PRKCE: variants seen among roughly 807,000 people sequenced by gnomAD.
PRKCE encodes the protein protein kinase C epsilon type.
In PRKCE, 16 loss-of-function variants were observed where a neutral mutation model predicts 85.4. The observed-to-expected ratio is 0.19, with a 90% CI of 0.13 to 0.28. The LOEUF (loss-of-function observed/expected upper bound fraction) is 0.28, where lower values mean the gene tolerates loss of function less well. Ranked by LOEUF, PRKCE falls within the 10% of genes least tolerant of loss-of-function variation. PRKCE has a pLI of 1.00. For missense variants in PRKCE, 573 were observed against 975.2 expected (o/e 0.59, Z 5.49); for synonymous variants, 388 against 371.5 (o/e 1.04, Z -0.51).
intron 1 of PRKCE, among the ~76,000 whole-genome samples, chr2:45,807,348 G>A (rs530913356): frequency 2.6e-5 from 4 of 151,056 alleles, no homozygotes; most frequent in East Asian, 3.9e-4. Context: ...CCTCCAACTG[G>A]ACAGTGTCTT....
chr2:46,159,470 TG>T lies in PRKCE; in HGVS notation c.1921-134del. 1 of 824,504 alleles carries T rather than the reference TG, an allele frequency of 1.2e-6. No individual in the cohort carries two copies. Among genetic ancestry groups the T allele is most frequent in the Non-Finnish European group, 1.8e-6 (1 of 542,674 alleles). The allele number at this position is 824,504 out of a possible 1,614,324, so 51.1% of individuals were successfully genotyped here. On this transcript the variant is annotated intron_variant, in intron 13 of 14. Coordinates refer to ENST00000306156, the MANE Select transcript of PRKCE (RefSeq NM_005400.3). The surrounding 1 kb of genome is among the most constrained non-coding windows in gnomAD (Gnocchi z 4.1). Reference sequence around the variant, plus strand: ...AGAGTTAAAGAAAACCCAACAGATGTGGCCCTTGAAAGTGCAAAGAACAGAC... The same window carrying T: ...AGAGTTAAAGAAAACCCAACAGATGTGCCCTTGAAAGTGCAAAGAACAGAC...
intron 2 of PRKCE, among the ~76,000 whole-genome samples, chr2:45,924,503 G>A (rs1698474284): frequency 6.6e-6 from 1 of 152,128 alleles, no homozygotes; most frequent in African/African-American, 2.4e-5. Flanking sequence ...CTGGGAGTGC[G>A]GGCTCCCATG....
chr2:46,176,750 A>T (rs281471), intron 14 of PRKCE, among the ~76,000 whole-genome samples: 142,179 of 152,198 alleles, frequency 0.93, 66,448 homozygotes, highest in East Asian at 1. Flanking sequence ...GATGTCACCT[A>T]TGTGAGAGGG....
chr2:46,016,557 G>C (rs574680903), intron 10 of PRKCE, among the ~76,000 whole-genome samples: 2 of 152,222 alleles, frequency 1.3e-5, no homozygotes, highest in South Asian at 4.1e-4. Context: ...CTGCAGCTTC[G>C]TGTAACCTCT....
At chr2:45,924,172 G>A (rs1698447790) in intron 2 of PRKCE, among the ~76,000 whole-genome samples, 1 of 152,082 alleles carries the variant, frequency 6.6e-6, no homozygotes, top group Admixed American at 6.5e-5. Context: ...TTATGGGTGG[G>A]GAATGAGCAA....
intron 6 of PRKCE, among the ~76,000 whole-genome samples, chr2:45,997,373 T>C (rs1343904662): frequency 6.6e-6 from 1 of 152,090 alleles, no homozygotes; most frequent in Non-Finnish European, 1.5e-5. Context: ...TTAAGTAAGC[T>C]ACTTTGGTCT....
chr2:46,044,744 A>G (rs182984714), intron 10 of PRKCE, among the ~76,000 whole-genome samples: 4 of 152,354 alleles, frequency 2.6e-5, no homozygotes, highest in Non-Finnish European at 5.9e-5. Flanking sequence ...GGTAGTTGGC[A>G]AATAAATAAA....
intron 2 of PRKCE, among the ~76,000 whole-genome samples, chr2:45,871,313 C>G (rs926093772): frequency 6.6e-6 from 1 of 152,172 alleles, no homozygotes; most frequent in Non-Finnish European, 1.5e-5. Context: ...CAGGTTCACA[C>G]GTGCAATTGC....
At chr2:45,965,359 C>G (rs1839196) in intron 2 of PRKCE, among the ~76,000 whole-genome samples, 66,831 of 152,090 alleles carry the variant, frequency 0.44, 15,070 homozygotes, top group South Asian at 0.55. Flanking sequence ...AAAGGCACGG[C>G]TGCTTTGATT....
intron 1 of PRKCE, among the ~76,000 whole-genome samples, chr2:45,777,437 C>A (rs1487971516): frequency 6.6e-6 from 1 of 152,008 alleles, no homozygotes; most frequent in Non-Finnish European, 1.5e-5. Flanking sequence ...TGTCTGCCCT[C>A]ACTCTTCTCA....
chr2:45,772,257 T>C (rs1266901190), intron 1 of PRKCE, among the ~76,000 whole-genome samples: 1 of 146,108 alleles, frequency 6.8e-6, no homozygotes, highest in East Asian at 2.0e-4. Context: ...CTGGGCAGCA[T>C]AGCAAGACCC....
At chr2:45,829,855 C>T (rs971401796) in intron 1 of PRKCE, among the ~76,000 whole-genome samples, 1 of 151,862 alleles carries the variant, frequency 6.6e-6, no homozygotes, top group Non-Finnish European at 1.5e-5. Context: ...GGGCGGATCA[C>T]GAGGTCAGGA....
At chr2:46,111,447 C>T (rs1597157) in intron 11 of PRKCE, among the ~76,000 whole-genome samples, 45,899 of 151,980 alleles carry the variant, frequency 0.3, 7,045 homozygotes, top group East Asian at 0.41. Flanking sequence ...AGAAAACTTT[C>T]GTCACACCAA....
chr2:45,796,552 T>G (rs2105140888), intron 1 of PRKCE, among the ~76,000 whole-genome samples: 1 of 152,320 alleles, frequency 6.6e-6, no homozygotes, highest in Middle Eastern at 3.4e-3. Context: ...TTATCTTGAC[T>G]TGGGCAATCT....
intron 1 of PRKCE, among the ~76,000 whole-genome samples, chr2:45,734,349 G>A (rs886562740): frequency 6.7e-6 from 1 of 149,438 alleles, no homozygotes; most frequent in Non-Finnish European, 1.5e-5. Flanking sequence ...TGGCAATAGA[G>A]CAAGACTCCA....
chr2:46,182,028 C>T (rs1183638615), intron 14 of PRKCE, among the ~76,000 whole-genome samples: 1 of 152,180 alleles, frequency 6.6e-6, no homozygotes, highest in Non-Finnish European at 1.5e-5. Flanking sequence ...GAATATTCTT[C>T]TTGCCCTATT....
intron 2 of PRKCE, among the ~76,000 whole-genome samples, chr2:45,872,441 C>T (rs537648932): frequency 3.6e-4 from 55 of 152,086 alleles, no homozygotes; most frequent in Non-Finnish European, 6.3e-4. Context: ...AAGCTGGAGT[C>T]GTAGGAGGGC....
intron 1 of PRKCE, among the ~76,000 whole-genome samples, chr2:45,817,110 T>TGTGTGTGG (rs35748796): frequency 7.8e-6 from 1 of 127,792 alleles, no homozygotes; most frequent in South Asian, 2.5e-4. Flanking sequence ...TGTGTGTGTG[T>TGTGTGTGG]TGTGGGTAGG....
chr2:45,848,332 A>T (rs1006581487), intron 2 of PRKCE, among the ~76,000 whole-genome samples: 7 of 151,458 alleles, frequency 4.6e-5, no homozygotes, highest in Non-Finnish European at 7.4e-5. Flanking sequence ...TTTTTTTGAG[A>T]CGGAGTCTTG....
Sources: allele counts gnomAD v4.1 joint callset (sites outside exome capture counted in the v4.1 genomes callset), GRCh38; gene constraint gnomAD v4.1.1; non-coding constraint Gnocchi (gnomAD v3.1); transcripts MANE v1.5; gene names NCBI Gene and HGNC (gene_info 2026-07-23, HGNC 2026-07-21).